The following MYO1B variants were observed in gnomAD, a reference collection of about 807,000 sequenced individuals.
MYO1B encodes the protein myosin IB.
MYO1B carries 72 observed loss-of-function variants against 159.7 expected under a neutral mutation model. The ratio of observed to expected loss-of-function variants is 0.45; its 90% confidence interval spans 0.37 to 0.55. MYO1B has a LOEUF of 0.55. Among genes scored for constraint, MYO1B ranks in the 20% least tolerant of loss-of-function variants. The pLI is 0.00. For missense variants in MYO1B, 1,062 were observed against 1,364.8 expected (o/e 0.78, Z 3.50); for synonymous variants, 468 against 473.8 (o/e 0.99, Z 0.16).
At chr2:191,387,736 T>A (rs1048028161) in intron 17 of MYO1B, 76 of 411,544 alleles carry the variant, frequency 1.8e-4, no homozygotes, top group Non-Finnish European at 2.7e-4. Context: ...TTTATTATTA[T>A]TTTTTTAATG....
At chr2:191,375,150 ATTT>A (rs1487242814) in intron 13 of MYO1B, among the ~76,000 whole-genome samples, 3 of 152,180 alleles carry the variant, frequency 2.0e-5, no homozygotes, top group African/African-American at 7.2e-5. Flanking sequence ...TGGACTCCTT[ATTT>A]ATCTTGCCCT....
At chr2:191,402,913 TTAAA>T (rs1340462073) in intron 24 of MYO1B, among the ~76,000 whole-genome samples, 195 bp downstream of exon 24, 3 of 152,236 alleles carry the variant, frequency 2.0e-5, no homozygotes, top group African/African-American at 4.8e-5. Context: ...TTCTATTTCT[TTAAA>T]TAATAGGTTT....
At chr2:191,322,690 G>C (rs1050934908) in intron 3 of MYO1B, among the ~76,000 whole-genome samples, 2 of 152,118 alleles carry the variant, frequency 1.3e-5, no homozygotes, top group Admixed American at 1.3e-4. Context: ...CTGTAACTAG[G>C]ATGTGAACTC....
Position 191,424,358 on chromosome 2 carries a change from G to C in MYO1B, c.*398G>C, listed in dbSNP as rs577068881. 1 of 160,196 alleles carries C rather than the reference G, an allele frequency of 6.2e-6. No individual in the cohort carries two copies. Among genetic ancestry groups the C allele is most frequent in the African/African-American group, 2.4e-5 (1 of 41,828 alleles). The allele number at this position is 160,196 out of a possible 1,614,324, so 9.9% of individuals were successfully genotyped here. On this transcript the variant is annotated 3_prime_UTR_variant, in exon 31 of 31. Transcript: ENST00000392318. Reference sequence around the variant, plus strand: ...CTACTCTATGCTAGGCACTGTGCTAGATGGTATGAAAACTTATTAGGAACC... The same window carrying C: ...CTACTCTATGCTAGGCACTGTGCTACATGGTATGAAAACTTATTAGGAACC...
intron 10 of MYO1B, 24 bp from the exon 11 acceptor site, chr2:191,364,134 T>G: frequency 1.3e-6 from 2 of 1,582,478 alleles, no homozygotes; most frequent in Non-Finnish European, 1.7e-6. Flanking sequence ...TCACTTTTTG[T>G]GTCCATCCCC....
chr2:191,339,042 G>T (rs960126822), intron 4 of MYO1B, among the ~76,000 whole-genome samples: 2 of 152,146 alleles, frequency 1.3e-5, no homozygotes, highest in Non-Finnish European at 2.9e-5. Context: ...TGGGGATGGG[G>T]AACAAAGAAT....
At position 191,393,251 on chromosome 2, in the gene MYO1B, A is replaced by G. The variant is rs1695868355; in HGVS notation, c.2226+29A>G. ...AGAGTCTCAGTCATTTTAAATCAGTAATAACAATGCTAATTTGCCAACATT... is the reference window on the plus strand; with the variant it reads ...AGAGTCTCAGTCATTTTAAATCAGTGATAACAATGCTAATTTGCCAACATT... On this transcript the variant is annotated intron_variant, in intron 20 of 30. Coordinates refer to ENST00000392318, the MANE Select transcript of MYO1B (RefSeq NM_001130158.3). The G allele has an allele frequency of 8.1e-6, 13 of 1,608,844 alleles. No individual in the cohort carries two copies. The East Asian group carries it at 2.5e-4, about 30-fold the overall frequency.
chr2:191,335,232 C>T (rs1446225597), intron 4 of MYO1B, among the ~76,000 whole-genome samples: 1 of 152,168 alleles, frequency 6.6e-6, no homozygotes, highest in Non-Finnish European at 1.5e-5. Context: ...GTCCTTTTCA[C>T]TTATGGAACC....
At chr2:191,341,423 C>A (rs775678055) in intron 4 of MYO1B, 38 bp from the exon 5 acceptor site, 4 of 1,560,304 alleles carry the variant, frequency 2.6e-6, no homozygotes, top group Non-Finnish European at 3.5e-6. Flanking sequence ...TTTTAAATTT[C>A]TGTGTTATTG....
rs772361283 is a variant in MYO1B at position 191,423,837 on chromosome 2, G to A, written c.3288G>A (p.Glu1096=). The A allele has an allele frequency of 6.2e-7, 1 of 1,604,892 alleles. No homozygotes were observed. The highest frequency in any genetic ancestry group is 1.1e-5 in the South Asian group (1 of 89,384). Residue 1096 remains glutamate (E), a splice_region_variant and synonymous_variant, in exon 31 of 31, where the codon GAG becomes GAA. Coordinates refer to ENST00000392318, the MANE Select transcript of MYO1B (RefSeq NM_001130158.3). ...AATTTGTTTTATTCTTTTCTCCTAGGTTCCTGGTACAGTTCAGACAGGACA... is the reference window on the plus strand; with the variant it reads ...AATTTGTTTTATTCTTTTCTCCTAGATTCCTGGTACAGTTCAGACAGGACA... ...KQKLNIEISD[E]FLVQFRQDKV...
chr2:191,272,061 AAACGGTATTTT>A (rs1687483784), intron 1 of MYO1B, among the ~76,000 whole-genome samples: 1 of 152,244 alleles, frequency 6.6e-6, no homozygotes, highest in African/African-American at 2.4e-5. Flanking sequence ...TCAGTATTTT[AAACGGTATTTT>A]AACTTTGCAA....
At chr2:191,293,737 T>G (rs1206470640) in intron 2 of MYO1B, among the ~76,000 whole-genome samples, 1 of 152,140 alleles carries the variant, frequency 6.6e-6, no homozygotes, top group African/African-American at 2.4e-5. Flanking sequence ...AGCATCGTCT[T>G]TATGACCTGT....
chr2:191,387,327 T>C lies in MYO1B; in HGVS notation c.1658T>C (p.Leu553Ser). The C allele has an allele frequency of 6.2e-7, 1 of 1,614,192 alleles. No individual in the cohort carries two copies. The highest frequency in any genetic ancestry group is 1.3e-5 in the African/African-American group (1 of 75,048). ...GCCAGCCATGCCCTCATCAAGTCTT[T>C]GTTCCCCGAAGGGAATCCCGCCAAG... Reference protein sequence around the residue: ...WKASHALIKSLFPEGNPAKIN... With the variant: ...WKASHALIKSSFPEGNPAKIN... The change falls in exon 17 of 31, where the codon TTG becomes TCG. Residue 553 changes from leucine to serine, a missense_variant. Physicochemically the swap from Leu to Ser is moderately radical, Grantham distance 145. Coordinates refer to ENST00000392318, the MANE Select transcript of MYO1B (RefSeq NM_001130158.3).
At chr2:191,375,511 A>AGATAGATAGATG (rs1388226602) in intron 13 of MYO1B, among the ~76,000 whole-genome samples, 148 of 151,888 alleles carry the variant, frequency 9.7e-4, no homozygotes, top group African/African-American at 3.0e-3. Flanking sequence ...ATAGATAGAT[A>AGATAGATAGATG]GATGGATCCA....
At chr2:191,311,211 A>G (rs1407031895) in intron 3 of MYO1B, among the ~76,000 whole-genome samples, 1 of 152,210 alleles carries the variant, frequency 6.6e-6, no homozygotes, top group South Asian at 2.1e-4. Context: ...CAAGAGAGGA[A>G]TAAGTTAGAG....
chr2:191,397,140 T>C (rs1346365391), intron 21 of MYO1B, among the ~76,000 whole-genome samples: 25 of 121,286 alleles, frequency 2.1e-4, no homozygotes, highest in African/African-American at 1.1e-3. Flanking sequence ...TTTTTTTTTT[T>C]TTTTTTTTTT....
Position 191,323,799 on chromosome 2 carries a change from A to G in MYO1B, c.252-6136A>G, listed in dbSNP as rs140390361. On this transcript the variant is annotated intron_variant, in intron 3 of 30. Transcript: ENST00000392318. ...ATGATATTATTTTTGTTTTGTAGCCAGTAAAAACAATCCTTTTCCGGTTAT... is the reference window on the plus strand; with the variant it reads ...ATGATATTATTTTTGTTTTGTAGCCGGTAAAAACAATCCTTTTCCGGTTAT... 1.9e-3 allele frequency among the ~76,000 whole-genome samples: 291 copies of G among 152,282 alleles called. 1 individual carries two copies. The highest frequency in any genetic ancestry group is 6.8e-3 in the African/African-American group (281 of 41,564).
At chr2:191,307,924 C>T (rs1689750940) in intron 3 of MYO1B, among the ~76,000 whole-genome samples, 1 of 152,094 alleles carries the variant, frequency 6.6e-6, no homozygotes, top group Admixed American at 6.5e-5. Flanking sequence ...CTGGGAATAC[C>T]ACCTTCCCAG....
intron 3 of MYO1B, among the ~76,000 whole-genome samples, chr2:191,303,999 G>A (rs543319815): frequency 7.2e-5 from 11 of 152,194 alleles, no homozygotes; most frequent in Non-Finnish European, 1.5e-4. Flanking sequence ...GGCAGGCACT[G>A]TGTTTGTTGT....
Sources: gnomAD v4.1 joint callset for allele counts (sites outside exome capture counted in the v4.1 genomes callset) on GRCh38, gnomAD v4.1.1 for gene constraint, MANE v1.5 for transcripts, NCBI Gene and HGNC (gene_info 2026-07-23, HGNC 2026-07-21) for gene names.